Variants in DPYSL3 observed in about 807,000 individuals in gnomAD.
The protein encoded by DPYSL3 is dihydropyrimidinase like 3, also known as dihydropyrimidinase-related protein 3.
A neutral mutation model predicts 66.1 loss-of-function variants in DPYSL3; 16 were observed. That is an observed-to-expected ratio of 0.24 (90% confidence interval 0.16 to 0.37). The LOEUF (loss-of-function observed/expected upper bound fraction) is 0.37. Among genes scored for constraint, DPYSL3 ranks in the 10% least tolerant of loss-of-function variants. The probability of loss-of-function intolerance (pLI) is 1.00; values close to 1 mark genes in which losing one functional copy is unlikely to be tolerated. For synonymous variants in DPYSL3, 338 were observed against 345.1 expected, an observed-to-expected ratio of 0.98 and a Z score of 0.23; for missense variants, 738 against 916.2, an observed-to-expected ratio of 0.81 and a Z score of 2.51.
intron 1 of DPYSL3, among the ~76,000 whole-genome samples, chr5:147,447,170 A>G (rs1752644410): frequency 6.6e-6 from 1 of 152,216 alleles, no homozygotes; most frequent in Admixed American, 6.5e-5. Flanking sequence ...GTTAACAATA[A>G]TAGCTCCACC....
chr5:147,426,668 CA>C (rs1752204136), intron 1 of DPYSL3, among the ~76,000 whole-genome samples: 1 of 152,100 alleles, frequency 6.6e-6, no homozygotes. Context: ...CGTCAGCTTT[CA>C]AAGAGGATAT....
chr5:147,397,746 C>A lies in DPYSL3; in HGVS notation c.1723G>T (p.Val575Leu), dbSNP rs147214429. The change falls in exon 12 of 14, where the codon GTG becomes TTG. Residue 575 changes from valine (V) to leucine (L), a missense_variant. Transcript: ENST00000343218. Reference protein sequence around the residue: ...KIMLEDGNLHVTQGAGRFIPC... With the variant: ...KIMLEDGNLHLTQGAGRFIPC... The stretch of plus-strand genomic sequence containing the variant: ...ATGAAGCGGCCAGCCCCCTGGGTCA[C>A]GTGCAGGTTGCCATCTTCCAGCATG... The A allele has an allele frequency of 6.2e-7, 1 of 1,614,168 alleles. No homozygotes were observed. The highest frequency in any genetic ancestry group is 8.5e-7 in the Non-Finnish European group (1 of 1,180,040).
In DPYSL3 at chr5:147,429,271, CT is replaced by C. The variant is rs976890054; in HGVS notation, c.382-4309del. On this transcript the variant is annotated intron_variant, in intron 1 of 13. Coordinates refer to ENST00000343218, the MANE Select transcript of DPYSL3 (RefSeq NM_001197294.2). ...CAGCTACCAAGAGCTACGTGTGTCA[CT>C]GTCTTGCAGCCCAGCAGGGTTCTAG... Among the ~76,000 whole-genome samples the C allele has an allele frequency of 8.5e-4, 129 of 152,322 alleles. 4 individuals are homozygous for C. The highest frequency in any genetic ancestry group is 9.8e-4 in the Admixed American group (15 of 15,300).
At chr5:147,435,410 C>T (rs1437046245) in intron 1 of DPYSL3, among the ~76,000 whole-genome samples, 1 of 152,082 alleles carries the variant, frequency 6.6e-6, no homozygotes, top group African/African-American at 2.4e-5. Flanking sequence ...GACATGGAAG[C>T]TTAGGGAGGT....
In DPYSL3 at chr5:147,392,913, AG is replaced by A. The variant is rs1456300007; in HGVS notation, c.*1121del. On this transcript the variant is annotated 3_prime_UTR_variant, in exon 14 of 14. Transcript: ENST00000343218. ...CCCCACTTGACTTTCATATAAGCTG[AG>A]ATGACCTATTACGGTAAAAATTAGG... is the stretch of plus-strand genomic sequence containing the variant. The A allele has an allele frequency of 1.3e-5, 2 of 152,252 alleles. No individual in the cohort carries two copies. Among genetic ancestry groups the A allele is most frequent in the African/African-American group, 4.8e-5 (2 of 41,470 alleles). 9.4% of individuals were successfully genotyped at this position (152,252 alleles called of 1,614,324 possible).
chr5:147,453,604 G>A (rs1365706576), intron 1 of DPYSL3: 6 of 1,531,584 alleles, frequency 3.9e-6, no homozygotes, highest in South Asian at 2.5e-5. Context: ...GGTGGTGGCT[G>A]CAGCGGCTGG....
At position 147,399,114 on chromosome 5, in the gene DPYSL3, C is replaced by T. The variant is rs778298980; in HGVS notation, c.1591G>A (p.Val531Met). The change falls in exon 11 of 14, where the codon GTG becomes ATG. Residue 531 changes from valine (V) to methionine (M), a missense_variant. Physicochemically the swap from Val to Met is conservative, Grantham distance 21. Coordinates refer to ENST00000343218, the MANE Select transcript of DPYSL3 (RefSeq NM_001197294.2). The stretch of plus-strand genomic sequence containing the variant: ...TGGTTCTTGGCAGAGACGATCTTCA[C>T]AGCATCTGGATCCCAGATGACGAGG... The part of the protein sequence containing the change: ...SDLVIWDPDA[V>M]KIVSAKNHQS... 6.2e-6 allele frequency: 10 copies of T among 1,614,104 alleles called. No individual in the cohort carries two copies. In the African/African-American group the frequency reaches 1.3e-4, roughly 22 times the overall value.
intron 7 of DPYSL3, 141 bp from the exon 8 acceptor site, chr5:147,405,871 T>C: frequency 1.8e-6 from 2 of 1,086,436 alleles, no homozygotes; most frequent in Non-Finnish European, 2.6e-6. Context: ...ATAGCCTATA[T>C]CCACATCTCA....
chr5:147,507,120 T>C (rs1232722150), intron 1 of DPYSL3, among the ~76,000 whole-genome samples: 2 of 152,116 alleles, frequency 1.3e-5, no homozygotes, highest in East Asian at 1.9e-4. Context: ...ACTGGACAAA[T>C]AGGAGCAAGA....
chr5:147,495,678 A>C (rs1404736120), intron 1 of DPYSL3, among the ~76,000 whole-genome samples: 1 of 152,198 alleles, frequency 6.6e-6, no homozygotes, highest in East Asian at 1.9e-4. Flanking sequence ...ATACCTAGGA[A>C]TCCAACTTAC....
intron 1 of DPYSL3, among the ~76,000 whole-genome samples, chr5:147,443,230 A>G (rs1311030781): frequency 2.0e-5 from 3 of 152,346 alleles, no homozygotes; most frequent in Non-Finnish European, 4.4e-5. Flanking sequence ...ACAATAGCAA[A>G]GACATAGAAC....
rs182631155 is a variant in DPYSL3, at chr5:147,405,758, T to C, written c.1033-28A>G. On this transcript the variant is annotated intron_variant, in intron 7 of 13. Coordinates refer to ENST00000343218, the MANE Select transcript of DPYSL3 (RefSeq NM_001197294.2). Reference sequence around the variant, plus strand: ...GCAAGAAAAAGTCTCCAGGAGTCAATAGAAACATGAACCTCTCAAACTGGT... The same window carrying C: ...GCAAGAAAAAGTCTCCAGGAGTCAACAGAAACATGAACCTCTCAAACTGGT... 6.8e-5 allele frequency: 109 copies of C among 1,598,800 alleles called. No individual in the cohort carries two copies. The African/African-American group carries it at 1.0e-3, about 15-fold the overall frequency.
intron 1 of DPYSL3, among the ~76,000 whole-genome samples, chr5:147,468,062 A>G (rs1355880231): frequency 6.6e-6 from 1 of 152,228 alleles, no homozygotes; most frequent in Non-Finnish European, 1.5e-5. Context: ...CAAAATACAA[A>G]TTAAGTTCCA....
intron 1 of DPYSL3, among the ~76,000 whole-genome samples, chr5:147,433,453 C>A (rs1561786413): frequency 6.6e-6 from 1 of 152,060 alleles, no homozygotes; most frequent in Non-Finnish European, 1.5e-5. Context: ...AAGGTTCCTG[C>A]CTGGGAAGAA....
chr5:147,457,085 G>A (rs1272306769), intron 1 of DPYSL3, among the ~76,000 whole-genome samples: 1 of 151,940 alleles, frequency 6.6e-6, no homozygotes, highest in African/African-American at 2.4e-5. Flanking sequence ...TTTACCTTGT[G>A]CTTACTATGT....
chr5:147,399,625 T>C (rs989470102), intron 10 of DPYSL3, among the ~76,000 whole-genome samples: 4 of 152,238 alleles, frequency 2.6e-5, no homozygotes, highest in Non-Finnish European at 4.4e-5. Context: ...TGTTTGCATA[T>C]GTTGTATGCA....
At chr5:147,452,905 AC>A (rs1752763440) in intron 1 of DPYSL3, among the ~76,000 whole-genome samples, 2 of 151,664 alleles carry the variant, frequency 1.3e-5, no homozygotes, top group African/African-American at 4.9e-5. Flanking sequence ...ACACACACAC[AC>A]ACACACACAC....
intron 1 of DPYSL3, among the ~76,000 whole-genome samples, chr5:147,443,157 A>T (rs1214570855): frequency 1.3e-5 from 2 of 152,248 alleles, no homozygotes; most frequent in African/African-American, 2.4e-5. Context: ...TATATACCCA[A>T]AGAAATATAA....
At chr5:147,453,747 CGCGGCGGCT>C (rs1752791707) in intron 1 of DPYSL3, 2 of 1,315,768 alleles carry the variant, frequency 1.5e-6, no homozygotes, top group Non-Finnish European at 1.9e-6. Context: ...CCCGGGCTCC[CGCGGCGGCT>C]GCCAGAGACA....
Sources: allele counts gnomAD v4.1 joint callset (sites outside exome capture counted in the v4.1 genomes callset), GRCh38; gene constraint gnomAD v4.1.1; transcripts MANE v1.5; gene names NCBI Gene and HGNC (gene_info 2026-07-23, HGNC 2026-07-21).